The following HCRTR2 variants were observed in gnomAD, a reference collection of about 807,000 sequenced individuals.
HCRTR2 encodes orexin receptor type 2.
Under a neutral mutation model 49.0 loss-of-function variants are expected in HCRTR2, and 22 were observed. That is an observed-to-expected ratio of 0.45 (90% CI 0.32 to 0.64). The LOEUF (loss-of-function observed/expected upper bound fraction) is 0.64, where lower values mean the gene tolerates loss of function less well. HCRTR2 is among the 30% of genes least tolerant of loss of function. The pLI, the probability that HCRTR2 is intolerant of heterozygous loss-of-function variation, is 0.04. For missense variants in HCRTR2, 491 were observed against 559.4 expected (o/e 0.88, Z 1.23); for synonymous variants, 236 against 205.3 (o/e 1.15, Z -1.28).
intron 4 of HCRTR2, among the ~76,000 whole-genome samples, chr6:55,277,152 A>G (rs1310510198): frequency 1.3e-5 from 2 of 152,162 alleles, no homozygotes; most frequent in Non-Finnish European, 2.9e-5. Context: ...ACATTGACAA[A>G]ATTTTGATGT....
At chr6:55,151,498 C>G (rs115110023) in intron 1 of HCRTR2, among the ~76,000 whole-genome samples, 1 of 151,910 alleles carries the variant, frequency 6.6e-6, no homozygotes, top group Non-Finnish European at 1.5e-5. Flanking sequence ...TGTAGTAATT[C>G]AGTCACATCT....
Position 55,210,390 on chromosome 6 carries a change from CT to C in HCRTR2, c.223+35581del, listed in dbSNP as rs375428300. On this transcript the variant is annotated intron_variant, in intron 1 of 6. Coordinates refer to ENST00000370862, the MANE Select transcript of HCRTR2 (RefSeq NM_001384272.1). ...CAGGAATAGGTGGCCTGCAGACACACTCTGTGATGCTGTAATTCTAATCCTC... is the reference window on the plus strand; with the variant it reads ...CAGGAATAGGTGGCCTGCAGACACACCTGTGATGCTGTAATTCTAATCCTC... Among the ~76,000 whole-genome samples the C allele has an allele frequency of 7.4e-3, 1,132 of 152,232 alleles. 21 individuals are homozygous for C. Among genetic ancestry groups the C allele is most frequent in the African/African-American group, 0.026 (1,075 of 41,532 alleles).
intron 1 of HCRTR2, among the ~76,000 whole-genome samples, chr6:55,165,516 C>T (rs1764864168): frequency 6.6e-6 from 1 of 151,788 alleles, no homozygotes; most frequent in South Asian, 2.1e-4. Context: ...AACTATGAAA[C>T]TCTTAGAAAG....
intron 1 of HCRTR2, among the ~76,000 whole-genome samples, chr6:55,185,465 A>AG (rs1211655596): frequency 6.6e-6 from 1 of 152,210 alleles, no homozygotes; most frequent in Non-Finnish European, 1.5e-5. Flanking sequence ...CTTAGAGAAA[A>AG]GGGGGAGAAT....
At chr6:55,174,988 C>T (rs9475188) in intron 1 of HCRTR2, among the ~76,000 whole-genome samples, 178 bp downstream of exon 1, 25,979 of 152,060 alleles carry the variant, frequency 0.17, 2,545 homozygotes, top group Non-Finnish European at 0.22. Context: ...TTTTCCGAAC[C>T]GGGACCGAGC....
intron 1 of HCRTR2, among the ~76,000 whole-genome samples, chr6:55,193,658 T>A (rs971842311): frequency 6.6e-6 from 1 of 152,074 alleles, no homozygotes; most frequent in Non-Finnish European, 1.5e-5. Context: ...CTGTTTTACC[T>A]ATGAAACTTG....
intron 1 of HCRTR2, among the ~76,000 whole-genome samples, chr6:55,151,788 T>C (rs1764667853): frequency 6.6e-6 from 1 of 151,740 alleles, no homozygotes; most frequent in South Asian, 2.1e-4. Flanking sequence ...ACAAAATTTA[T>C]TTCTTAAAAA....
At chr6:55,132,256 T>A (rs975203133) in intron 1 of HCRTR2, among the ~76,000 whole-genome samples, 2 of 151,856 alleles carry the variant, frequency 1.3e-5, no homozygotes, top group African/African-American at 4.8e-5. Context: ...AATCATTGTG[T>A]CTCCTAAACT....
chr6:55,210,721 A>G (rs1217631071), intron 1 of HCRTR2, among the ~76,000 whole-genome samples: 4 of 152,164 alleles, frequency 2.6e-5, no homozygotes, highest in Non-Finnish European at 5.9e-5. Context: ...TCTGTAAGAC[A>G]TATTTGCATC....
chr6:55,115,479 AGTGTGT>A (rs34700512), intron 1 of HCRTR2, among the ~76,000 whole-genome samples: 39,458 of 148,580 alleles, frequency 0.27, 5,460 homozygotes, highest in Middle Eastern at 0.32. Flanking sequence ...GTTGCTAAAG[AGTGTGT>A]GTGTGTGTGT....
intron 1 of HCRTR2, among the ~76,000 whole-genome samples, chr6:55,219,097 A>T (rs574654551): frequency 2.0e-5 from 3 of 152,224 alleles, no homozygotes; most frequent in Non-Finnish European, 2.9e-5. Flanking sequence ...CTGGGATTAT[A>T]GGCATGAGCC....
intron 4 of HCRTR2, among the ~76,000 whole-genome samples, chr6:55,275,758 G>A (rs974744077): frequency 1.3e-5 from 2 of 151,946 alleles, no homozygotes; most frequent in Non-Finnish European, 2.9e-5. Flanking sequence ...TTACAGGCAT[G>A]TGCCACCACG....
chr6:55,208,136 A>C (rs1431937487), intron 1 of HCRTR2, among the ~76,000 whole-genome samples: 1 of 151,958 alleles, frequency 6.6e-6, no homozygotes, highest in Non-Finnish European at 1.5e-5. Context: ...TTTCTTTACA[A>C]AAAGGAGCAG....
chr6:55,270,776 C>T (rs1303938427), intron 4 of HCRTR2, among the ~76,000 whole-genome samples: 1 of 151,856 alleles, frequency 6.6e-6, no homozygotes, highest in Non-Finnish European at 1.5e-5. Context: ...GAAAATAATC[C>T]AAAATCCAAA....
At chr6:55,254,724 T>A (rs936753866) in intron 2 of HCRTR2, among the ~76,000 whole-genome samples, 1 of 151,888 alleles carries the variant, frequency 6.6e-6, no homozygotes, top group African/African-American at 2.4e-5. Context: ...CATATTATTC[T>A]TTATAATTGA....
At chr6:55,143,799 T>C (rs1764541916) in intron 1 of HCRTR2, among the ~76,000 whole-genome samples, 1 of 152,180 alleles carries the variant, frequency 6.6e-6, no homozygotes, top group African/African-American at 2.4e-5. Context: ...TTATGTACTG[T>C]GGGTAGAGCC....
At chr6:55,139,484 A>G (rs1443277395) in intron 1 of HCRTR2, among the ~76,000 whole-genome samples, 2 of 152,206 alleles carry the variant, frequency 1.3e-5, no homozygotes, top group Non-Finnish European at 2.9e-5. Flanking sequence ...CCTAGTTTTG[A>G]TATCACTGAG....
At chr6:55,172,287 C>T (rs1176462368), upstream of HCRTR2, among the ~76,000 whole-genome samples, 3 of 152,012 alleles carry the variant, frequency 2.0e-5, no homozygotes, top group Non-Finnish European at 2.9e-5. Flanking sequence ...CTAATGTGAC[C>T]TTTGGGATTT....
At chr6:55,270,687 G>A (rs1766955885) in intron 4 of HCRTR2, among the ~76,000 whole-genome samples, 1 of 152,120 alleles carries the variant, frequency 6.6e-6, no homozygotes, top group Non-Finnish European at 1.5e-5. Flanking sequence ...AAGACTATTT[G>A]TATTGGGTGT....
Sources: allele counts gnomAD v4.1 joint callset (sites outside exome capture counted in the v4.1 genomes callset), GRCh38; gene constraint gnomAD v4.1.1; transcripts MANE v1.5; gene names NCBI Gene and HGNC (gene_info 2026-07-23, HGNC 2026-07-21).